Variants in ADAMTS12 observed in about 807,000 individuals in gnomAD.
The protein encoded by ADAMTS12 is A disintegrin and metalloproteinase with thrombospondin motifs 12.
ADAMTS12 carries 118 observed loss-of-function variants against 167.8 expected under a neutral mutation model. The ratio of observed to expected loss-of-function variants is 0.70; its 90% CI spans 0.61 to 0.82. The LOEUF is 0.82. Among genes scored for constraint, ADAMTS12 ranks in the 40% least tolerant of loss-of-function variants. The probability of loss-of-function intolerance (pLI) is 0.00; values close to 1 mark genes in which losing one functional copy is unlikely to be tolerated. For synonymous variants in ADAMTS12, 704 were observed against 716.9 expected (o/e 0.98, Z 0.29); for missense variants, 1,916 against 1,998.8 (o/e 0.96, Z 0.79).
At chr5:33,733,714 T>C (rs186204077) in intron 3 of ADAMTS12, among the ~76,000 whole-genome samples, 193 of 152,270 alleles carry the variant, frequency 1.3e-3, no homozygotes, top group African/African-American at 4.5e-3. Context: ...ACCCAGAGTT[T>C]CCTGAAAGGA....
chr5:33,717,404 T>C (rs1743653531), intron 3 of ADAMTS12, among the ~76,000 whole-genome samples: 1 of 152,160 alleles, frequency 6.6e-6, no homozygotes. Context: ...CAGTGCCAGA[T>C]CCTATCAGAA....
intron 5 of ADAMTS12, among the ~76,000 whole-genome samples, chr5:33,664,980 C>G (rs1741416637): frequency 6.6e-6 from 1 of 151,906 alleles, no homozygotes; most frequent in African/African-American, 2.4e-5. Flanking sequence ...ACGTGCCCAC[C>G]CAACATAAAA....
intron 13 of ADAMTS12, among the ~76,000 whole-genome samples, chr5:33,628,937 C>T (rs912822319): frequency 6.6e-6 from 1 of 152,112 alleles, no homozygotes; most frequent in African/African-American, 2.4e-5. Context: ...ATTGGGTTCA[C>T]TTGATTGGCC....
chr5:33,743,737 AC>A (rs1744685020), intron 3 of ADAMTS12, among the ~76,000 whole-genome samples: 1 of 151,896 alleles, frequency 6.6e-6, no homozygotes, highest in Admixed American at 6.6e-5. Flanking sequence ...CCATCCATCC[AC>A]CCACCCTTCT....
chr5:33,593,691 G>T (rs879888656), intron 17 of ADAMTS12, among the ~76,000 whole-genome samples: 110 of 152,092 alleles, frequency 7.2e-4, no homozygotes, highest in Middle Eastern at 3.4e-3. Context: ...GAGTTGGGGG[G>T]CTAGGGGTGG....
intron 7 of ADAMTS12, among the ~76,000 whole-genome samples, chr5:33,657,058 T>C (rs1054166868): frequency 6.6e-6 from 1 of 152,160 alleles, no homozygotes; most frequent in Non-Finnish European, 1.5e-5. Context: ...GAAACAGGTA[T>C]AGAGTGGTGA....
intron 3 of ADAMTS12, 50 bp from the exon 4 acceptor site, chr5:33,684,105 A>ACAG: frequency 1.6e-6 from 2 of 1,276,954 alleles, no homozygotes; most frequent in Non-Finnish European, 2.0e-6. Context: ...TGTCTCATAT[A>ACAG]TTATCTACTT....
Position 33,630,905 on chromosome 5 carries a change from A to G in ADAMTS12, c.1897T>C (p.Cys633Arg). 2 of 1,613,194 alleles carry G rather than the reference A, an allele frequency of 1.2e-6. No individual in the cohort carries two copies. The highest frequency in any genetic ancestry group is 1.7e-6 in the Non-Finnish European group (2 of 1,179,344). ...TCTATGGGTCGGCAGTAGAGCTCAC[A>G]AGGATGTGCTGAAGGGAAAAAAGAA... ...WFPIFNPAHP[C>R]ELYCRPIDGQ... The change falls in exon 13 of 24, where the codon TGT becomes CGT. Residue 633 changes from cysteine (C) to arginine (R), a missense_variant. By Grantham distance (180) the Cys-to-Arg change is radical. Coordinates refer to ENST00000504830, the MANE Select transcript of ADAMTS12 (RefSeq NM_030955.4).
chr5:33,670,274 C>T (rs1396147242), intron 5 of ADAMTS12, among the ~76,000 whole-genome samples: 1 of 152,030 alleles, frequency 6.6e-6, no homozygotes, highest in Non-Finnish European at 1.5e-5. Flanking sequence ...CAGGGAATTG[C>T]AAGTTAAAAC....
At chr5:33,859,917 G>A (rs1417459063) in intron 2 of ADAMTS12, among the ~76,000 whole-genome samples, 2 of 152,190 alleles carry the variant, frequency 1.3e-5, no homozygotes, top group African/African-American at 4.8e-5. Flanking sequence ...GCAGAAGAGG[G>A]GCCTGACTGT....
chr5:33,583,544 T>G (rs1383659707), intron 18 of ADAMTS12, among the ~76,000 whole-genome samples: 1 of 152,198 alleles, frequency 6.6e-6, no homozygotes, highest in African/African-American at 2.4e-5. Flanking sequence ...ATAGCTTAAC[T>G]TTTACGTTTT....
chr5:33,759,725 C>T (rs908583426), intron 2 of ADAMTS12, among the ~76,000 whole-genome samples: 1 of 152,104 alleles, frequency 6.6e-6, no homozygotes, highest in Admixed American at 6.5e-5. Flanking sequence ...AGAAAAGTTG[C>T]CTTTTAGTTA....
intron 2 of ADAMTS12, among the ~76,000 whole-genome samples, chr5:33,848,390 G>A (rs1749027846): frequency 6.6e-6 from 1 of 152,138 alleles, no homozygotes; most frequent in Admixed American, 6.5e-5. Flanking sequence ...GACATAGTGA[G>A]GTGAAAGATG....
chr5:33,560,729 A>C (rs861768), intron 20 of ADAMTS12, among the ~76,000 whole-genome samples: 6 of 143,334 alleles, frequency 4.2e-5, no homozygotes, highest in South Asian at 2.3e-4. Context: ...ATGAGAACAC[A>C]TGGACACAGG....
intron 6 of ADAMTS12, among the ~76,000 whole-genome samples, chr5:33,660,988 G>A (rs1385399943): frequency 2.0e-5 from 3 of 152,092 alleles, no homozygotes; most frequent in Non-Finnish European, 4.4e-5. Flanking sequence ...TTATCACAGG[G>A]ACAGATCACA....
At chr5:33,536,090 T>C (rs1744390217) in intron 22 of ADAMTS12, among the ~76,000 whole-genome samples, 1 of 152,256 alleles carries the variant, frequency 6.6e-6, no homozygotes, top group Admixed American at 6.5e-5. Context: ...TATGCTCTTT[T>C]CTTAAATTAT....
At chr5:33,633,386 CAT>C (rs1472347820) in intron 12 of ADAMTS12, among the ~76,000 whole-genome samples, 1 of 150,402 alleles carries the variant, frequency 6.6e-6, no homozygotes, top group African/African-American at 2.4e-5. Flanking sequence ...AAGAAACACA[CAT>C]GTGTGTTGAC....
At chr5:33,783,034 T>G (rs1296699433) in intron 2 of ADAMTS12, among the ~76,000 whole-genome samples, 2 of 151,948 alleles carry the variant, frequency 1.3e-5, no homozygotes, top group Non-Finnish European at 2.9e-5. Flanking sequence ...ATAAAATAAT[T>G]ATCAAGAAAT....
At chr5:33,691,119 G>A (rs1241901095) in intron 3 of ADAMTS12, among the ~76,000 whole-genome samples, 1 of 152,174 alleles carries the variant, frequency 6.6e-6, no homozygotes, top group African/African-American at 2.4e-5. Context: ...GTGGTGAGCT[G>A]GCCATTGCTG....
Sources: allele counts gnomAD v4.1 joint callset (sites outside exome capture counted in the v4.1 genomes callset), GRCh38; gene constraint gnomAD v4.1.1; transcripts MANE v1.5; gene names NCBI Gene and HGNC (gene_info 2026-07-23, HGNC 2026-07-21).